ADAM9: variants seen among roughly 807,000 people sequenced by gnomAD.
The protein encoded by ADAM9 is disintegrin and metalloproteinase domain-containing protein 9.
A neutral mutation model predicts 108.1 loss-of-function variants in ADAM9; 54 were observed. The ratio of observed to expected loss-of-function variants is 0.50; its 90% CI spans 0.40 to 0.63. The LOEUF (loss-of-function observed/expected upper bound fraction) is 0.63, where lower values mean the gene tolerates loss of function less well. Ranked by LOEUF, ADAM9 falls within the 20% of genes least tolerant of loss-of-function variation. The pLI, the probability that ADAM9 is intolerant of heterozygous loss-of-function variation, is 0.00. For missense variants in ADAM9, 830 were observed against 997.7 expected, an observed-to-expected ratio of 0.83 and a Z score of 2.26; for synonymous variants, 316 against 336.0, an observed-to-expected ratio of 0.94 and a Z score of 0.65.
In ADAM9 at chr8:39,101,842, T is replaced by C. The variant is rs778111478; in HGVS notation, c.2299-21T>C. 8 of 1,591,666 alleles carry C rather than the reference T, an allele frequency of 5.0e-6. No individual in the cohort carries two copies. In the African/African-American group the frequency reaches 9.4e-5, roughly 19 times the overall value. On this transcript the variant is annotated intron_variant, in intron 20 of 21. Coordinates refer to ENST00000487273, the MANE Select transcript of ADAM9 (RefSeq NM_003816.3). ...TTATGAGCACATAGTGGTAATAACC[T>C]TATTTTTTTTTTCTTTTTAGCCTAT...
intron 15 of ADAM9, 62 bp downstream of exon 15, chr8:39,071,465 C>CTTTTT (rs34398586): frequency 7.8e-5 from 46 of 590,490 alleles, no homozygotes; most frequent in African/African-American, 2.6e-4. Context: ...TCTCTAGTAT[C>CTTTTT]TTTTTTTTTT....
At chr8:39,026,952 G>T in intron 11 of ADAM9, 142 bp downstream of exon 11, 10 of 995,442 alleles carry the variant, frequency 1.0e-5, no homozygotes, top group Middle Eastern at 2.7e-4. Context: ...ACATACCAAT[G>T]AGAAGTCTTT....
intron 11 of ADAM9, among the ~76,000 whole-genome samples, chr8:39,037,384 A>G (rs775519351): frequency 4.0e-5 from 6 of 148,518 alleles, no homozygotes; most frequent in Non-Finnish European, 5.9e-5. Context: ...GTCTAATTAA[A>G]TATATGTAAT....
At chr8:39,068,675 C>CAAAAAAAAAAAAAAAAAAAA (rs562274321) in intron 14 of ADAM9, among the ~76,000 whole-genome samples, 1 of 42,010 alleles carries the variant, frequency 2.4e-5, no homozygotes, top group African/African-American at 7.3e-5. Flanking sequence ...AACTTCTCCT[C>CAAAAAAAAAAAAAAAAAAAA]AAAAAAAAAA....
chr8:39,040,336 A>G (rs549130976), intron 11 of ADAM9, among the ~76,000 whole-genome samples: 1 of 152,208 alleles, frequency 6.6e-6, no homozygotes, highest in Non-Finnish European at 1.5e-5. Flanking sequence ...GCGGTGAGCC[A>G]CCATACCTGG....
chr8:39,096,341 T>A (rs1297679334), intron 20 of ADAM9, among the ~76,000 whole-genome samples: 5 of 126,118 alleles, frequency 4.0e-5, no homozygotes, highest in East Asian at 3.0e-4. Context: ...CTATAGCACA[T>A]ATATTGTGAT....
At position 39,103,988 on chromosome 8, in the gene ADAM9, A is replaced by G. The variant is rs1839784027; in HGVS notation, c.*288A>G. 4 of 570,590 alleles carry G rather than the reference A, an allele frequency of 7.0e-6. No homozygotes were observed. Among genetic ancestry groups the G allele is most frequent in the Admixed American group, 4.3e-5 (2 of 46,054 alleles). The allele number at this position is 570,590 out of a possible 1,614,324, so 35.3% of individuals were successfully genotyped here. On this transcript the variant is annotated 3_prime_UTR_variant, in exon 22 of 22. Coordinates refer to ENST00000487273, the MANE Select transcript of ADAM9 (RefSeq NM_003816.3). ...TGCACTAATCATGGATTTTTTGAAC[A>G]TGTTATTGCAGTGATTCTCAAATTA...
At chr8:39,027,174 A>G (rs1172210952) in intron 11 of ADAM9, among the ~76,000 whole-genome samples, 1 of 152,234 alleles carries the variant, frequency 6.6e-6, no homozygotes, top group Non-Finnish European at 1.5e-5. Flanking sequence ...TGAATTAGAA[A>G]TTAAGAGGGA....
At chr8:39,030,708 C>T (rs1837070099) in intron 11 of ADAM9, among the ~76,000 whole-genome samples, 1 of 152,208 alleles carries the variant, frequency 6.6e-6, no homozygotes, top group African/African-American at 2.4e-5. Context: ...ATTTTGTATT[C>T]CCACCAACAG....
intron 11 of ADAM9, among the ~76,000 whole-genome samples, chr8:39,034,768 G>A (rs924847043): frequency 1.1e-4 from 16 of 151,034 alleles, no homozygotes; most frequent in African/African-American, 3.4e-4. Flanking sequence ...AAATGAATCT[G>A]TCTATTTACC....
At chr8:38,999,027 G>C (rs1835917470) in intron 1 of ADAM9, among the ~76,000 whole-genome samples, 1 of 152,094 alleles carries the variant, frequency 6.6e-6, no homozygotes, top group Non-Finnish European at 1.5e-5. Context: ...ATAGAATCTA[G>C]GAGGGAGAGA....
At chr8:39,070,571 A>T (rs762356702) in intron 14 of ADAM9, among the ~76,000 whole-genome samples, 1 of 152,166 alleles carries the variant, frequency 6.6e-6, no homozygotes, top group Non-Finnish European at 1.5e-5. Flanking sequence ...CATAGGCAAC[A>T]TAGCAAGACC....
intron 20 of ADAM9, among the ~76,000 whole-genome samples, chr8:39,097,002 G>T (rs1250113159): frequency 6.6e-6 from 1 of 152,054 alleles, no homozygotes; most frequent in Non-Finnish European, 1.5e-5. Flanking sequence ...TTTCCTTAGG[G>T]TCAGTTTCTG....
At chr8:39,067,536 T>C (rs1176788906) in intron 14 of ADAM9, among the ~76,000 whole-genome samples, 1 of 152,254 alleles carries the variant, frequency 6.6e-6, no homozygotes, top group African/African-American at 2.4e-5. Context: ...AGTTCACTTA[T>C]GATTTGGCTC....
intron 15 of ADAM9, among the ~76,000 whole-genome samples, chr8:39,076,820 G>T: frequency 6.6e-6 from 1 of 152,156 alleles, no homozygotes; most frequent in East Asian, 1.9e-4. Context: ...TTGCATTATA[G>T]AATCTAATTT....
chr8:39,018,444 A>T (rs1362012269), intron 6 of ADAM9, among the ~76,000 whole-genome samples: 2 of 152,182 alleles, frequency 1.3e-5, no homozygotes, highest in African/African-American at 2.4e-5. Context: ...CTCTCAGCAT[A>T]GTAATGGGCT....
At chr8:39,099,157 A>G (rs1435648555) in intron 20 of ADAM9, among the ~76,000 whole-genome samples, 1 of 152,042 alleles carries the variant, frequency 6.6e-6, no homozygotes, top group Non-Finnish European at 1.5e-5. Context: ...ACCACCCTTC[A>G]TATGTCTAGG....
chr8:39,099,808 G>A (rs1335020916), intron 20 of ADAM9, among the ~76,000 whole-genome samples: 2 of 150,688 alleles, frequency 1.3e-5, no homozygotes, highest in Admixed American at 1.3e-4. Context: ...GTAATCTTTA[G>A]CTTGTTTTCA....
In ADAM9 at chr8:39,052,530, CTA is replaced by C. The variant is rs145338508; in HGVS notation, c.1303-1944_1303-1943del. 1.6e-3 allele frequency among the ~76,000 whole-genome samples: 241 copies of C among 151,894 alleles called. 7 individuals are homozygous for C. In the East Asian group the frequency reaches 0.044, roughly 28 times the overall value. On this transcript the variant is annotated intron_variant, in intron 12 of 21. Coordinates refer to ENST00000487273, the MANE Select transcript of ADAM9 (RefSeq NM_003816.3). ...TATCTTGACCTGGTTTTTAGTATTC[CTA>C]TATATAGATCATCATCATAGCCCCT...
Sources: gnomAD v4.1 joint callset for allele counts (sites outside exome capture counted in the v4.1 genomes callset) on GRCh38, gnomAD v4.1.1 for gene constraint, MANE v1.5 for transcripts, NCBI Gene and HGNC (gene_info 2026-07-23, HGNC 2026-07-21) for gene names.